The following POMP variants were observed in gnomAD, a reference collection of about 807,000 sequenced individuals.
The protein encoded by POMP is proteasome maturation protein.
A neutral mutation model predicts 20.6 loss-of-function variants in POMP; 12 were observed. That is an observed-to-expected ratio of 0.58 (90% confidence interval 0.37 to 0.94). The LOEUF (loss-of-function observed/expected upper bound fraction) is 0.94, where lower values mean the gene tolerates loss of function less well. Among genes scored for constraint, POMP ranks in the 40% least tolerant of loss-of-function variants. The pLI, the probability that POMP is intolerant of heterozygous loss-of-function variation, is 0.01. For synonymous variants in POMP, 53 were observed against 55.0 expected (o/e 0.96, Z 0.16); for missense variants, 136 against 161.1 (o/e 0.84, Z 0.84).
rs142911190 is a variant in POMP at position 28,675,244 on chromosome 13, A to C, written c.359-2791A>C. On this transcript the variant is annotated intron_variant, in intron 5 of 5. Transcript: ENST00000380842. Reference sequence around the variant, plus strand: ...TAACCTCCACCTCCTGGGTTCAAGCAATTCTCCTGCCTCAGCCTCCCAGGT... The same window carrying C: ...TAACCTCCACCTCCTGGGTTCAAGCCATTCTCCTGCCTCAGCCTCCCAGGT... Among the ~76,000 whole-genome samples, 184 of 151,654 alleles carry C rather than the reference A, an allele frequency of 1.2e-3. 1 individual carries two copies. The highest frequency in any genetic ancestry group is 4.3e-3 in the African/African-American group (179 of 41,226).
chr13:28,667,923 G>A (rs1273546525), intron 3 of POMP, among the ~76,000 whole-genome samples: 1 of 152,130 alleles, frequency 6.6e-6, no homozygotes, highest in East Asian at 1.9e-4. Context: ...TTGCTGATTA[G>A]TACCCAATAC....
chr13:28,659,172 A>T lies in POMP; in HGVS notation c.-13A>T, dbSNP rs936096892. 1 of 1,586,412 alleles carries T rather than the reference A, an allele frequency of 6.3e-7. No individual in the cohort carries two copies. Among genetic ancestry groups the T allele is most frequent in the African/African-American group, 1.3e-5 (1 of 74,156 alleles). On this transcript the variant is annotated 5_prime_UTR_variant, in exon 1 of 6. Transcript: ENST00000380842. ...GTAACGGGGCAGAGAGGCTGTTCGC[A>T]GAGCTGCGGAAGATGGTGAGTGGGT...
intron 3 of POMP, among the ~76,000 whole-genome samples, chr13:28,665,526 T>C (rs1251659544): frequency 6.6e-6 from 1 of 152,204 alleles, no homozygotes; most frequent in African/African-American, 2.4e-5. Context: ...AAAAGCACAG[T>C]TGATCATCTT....
At chr13:28,675,478 G>A (rs1884613032) in intron 5 of POMP, among the ~76,000 whole-genome samples, 1 of 152,144 alleles carries the variant, frequency 6.6e-6, no homozygotes, top group African/African-American at 2.4e-5. Context: ...TGATTACAGT[G>A]AGACCACTGT....
chr13:28,659,973 C>T (rs1352675798), intron 1 of POMP: 2 of 152,174 alleles, frequency 1.3e-5, no homozygotes, highest in Non-Finnish European at 2.9e-5. Flanking sequence ...TCAAATGTAA[C>T]TAGTAGTTAG....
intron 5 of POMP, among the ~76,000 whole-genome samples, chr13:28,674,375 C>G (rs1566110767): frequency 2.0e-5 from 3 of 152,194 alleles, no homozygotes; most frequent in Non-Finnish European, 4.4e-5. Context: ...TTCAGGCCAC[C>G]TCAGCCTTAT....
chr13:28,664,547 C>T lies in POMP; in HGVS notation c.140C>T (p.Pro47Leu). ...CVKNELLPSH[P>L]LELSEKNFQL... ...AAAAATGAACTTTTGCCTAGTCATC[C>T]CCTTGAATTATCAGAAAAAAATGTA... The change falls in exon 3 of 6, where the codon CCC becomes CTC. Residue 47 changes from proline (P) to leucine (L), a missense_variant. Transcript: ENST00000380842. The T allele has an allele frequency of 6.4e-7, 1 of 1,572,950 alleles. No individual in the cohort carries two copies. Among genetic ancestry groups the T allele is most frequent in the South Asian group, 1.1e-5 (1 of 89,010 alleles).
chr13:28,674,377 C>A (rs1031837904), intron 5 of POMP, among the ~76,000 whole-genome samples: 1 of 152,202 alleles, frequency 6.6e-6, no homozygotes, highest in Non-Finnish European at 1.5e-5. Context: ...CAGGCCACCT[C>A]AGCCTTATAA....
intron 5 of POMP, among the ~76,000 whole-genome samples, chr13:28,673,010 G>A (rs1333203654): frequency 4.0e-5 from 6 of 150,600 alleles, no homozygotes; most frequent in Admixed American, 6.6e-5. Flanking sequence ...TTAAAAAGTA[G>A]CTCCCCAAAA....
At chr13:28,659,787 TC>T in intron 1 of POMP, 1 of 153,004 alleles carries the variant, frequency 6.5e-6, no homozygotes, top group Admixed American at 6.5e-5. Context: ...CTCCTTCTCC[TC>T]CCCACCACTT....
chr13:28,665,009 T>G (rs1884416700), intron 3 of POMP, among the ~76,000 whole-genome samples: 1 of 152,106 alleles, frequency 6.6e-6, no homozygotes. Flanking sequence ...TTAAATAACT[T>G]AAAATTTAAT....
Position 28,678,112 on chromosome 13 carries a change from G to A in POMP, c.*10G>A, listed in dbSNP as rs1884659590. ...ACTTGGTTTACTGTAATAGTGTGCT[G>A]TTCATGGAAACCGAGGGCTGCATCT... On this transcript the variant is annotated 3_prime_UTR_variant, in exon 6 of 6. Coordinates refer to ENST00000380842, the MANE Select transcript of POMP (RefSeq NM_015932.6). 6.2e-7 allele frequency: 1 copy of A among 1,611,764 alleles called. No individual in the cohort carries two copies. The highest frequency in any genetic ancestry group is 8.5e-7 in the Non-Finnish European group (1 of 1,177,942).
At chr13:28,663,180 A>G (rs1325758572) in intron 2 of POMP, among the ~76,000 whole-genome samples, 3 of 152,152 alleles carry the variant, frequency 2.0e-5, no homozygotes, top group African/African-American at 7.2e-5. Context: ...TTCTGGTACT[A>G]GACCATACTC....
chr13:28,671,449 CTTT>C (rs58068200), intron 4 of POMP, among the ~76,000 whole-genome samples: 3 of 144,830 alleles, frequency 2.1e-5, no homozygotes, highest in Admixed American at 1.4e-4. Flanking sequence ...AATTCTCTGT[CTTT>C]TTTTTTTTTT....
Position 28,659,133 on chromosome 13 carries a change from G to C in POMP, c.-52G>C. On this transcript the variant is annotated 5_prime_UTR_variant, in exon 1 of 6. Transcript: ENST00000380842. ...GCCCTCGGAAACGGAAGTGAGCGGC[G>C]GGGTCGACTGACGGTAACGGGGCAG... 1 of 1,572,898 alleles carries C rather than the reference G, an allele frequency of 6.4e-7. No homozygotes were observed. Among genetic ancestry groups the C allele is most frequent in the South Asian group, 1.2e-5 (1 of 86,174 alleles).
chr13:28,664,128 G>A (rs1423580715), intron 2 of POMP, among the ~76,000 whole-genome samples: 2 of 151,040 alleles, frequency 1.3e-5, no homozygotes, highest in Non-Finnish European at 2.9e-5. Context: ...TAGACCTGAA[G>A]GGAATAGGCT....
chr13:28,664,932 G>A (rs1307445062), intron 3 of POMP, among the ~76,000 whole-genome samples: 4 of 152,102 alleles, frequency 2.6e-5, no homozygotes, highest in African/African-American at 9.7e-5. Context: ...CTGCATCTCC[G>A]AGTTACTGTA....
intron 4 of POMP, among the ~76,000 whole-genome samples, chr13:28,670,977 A>T (rs1221643726): frequency 6.6e-6 from 1 of 151,952 alleles, no homozygotes; most frequent in African/African-American, 2.4e-5. Context: ...AACCCAGGAG[A>T]CAGAGGTTGC....
At chr13:28,666,569 T>C (rs1884451568) in intron 3 of POMP, among the ~76,000 whole-genome samples, 1 of 152,264 alleles carries the variant, frequency 6.6e-6, no homozygotes, top group African/African-American at 2.4e-5. Context: ...TCACTCTTTA[T>C]GTGACTCTTA....
Sources: allele counts gnomAD v4.1 joint callset (sites outside exome capture counted in the v4.1 genomes callset), GRCh38; gene constraint gnomAD v4.1.1; transcripts MANE v1.5; gene names NCBI Gene and HGNC (gene_info 2026-07-23, HGNC 2026-07-21).